PRICKLE2: variants seen among roughly 807,000 people sequenced by gnomAD.
PRICKLE2 encodes the protein prickle-like protein 2.
A neutral mutation model predicts 81.4 loss-of-function variants in PRICKLE2; 21 were observed. The observed-to-expected ratio is 0.26, with a 90% CI of 0.18 to 0.37. The LOEUF is 0.37. PRICKLE2 is among the 10% of genes least tolerant of loss of function. PRICKLE2 has a pLI of 1.00. For synonymous variants in PRICKLE2, 456 were observed against 421.5 expected, an observed-to-expected ratio of 1.08 and a Z score of -1.00; for missense variants, 940 against 1,109.0, an observed-to-expected ratio of 0.85 and a Z score of 2.16.
intron 5 of PRICKLE2, among the ~76,000 whole-genome samples, chr3:64,155,762 G>A (rs2077626191): frequency 6.6e-6 from 1 of 152,166 alleles, no homozygotes; most frequent in Non-Finnish European, 1.5e-5. Context: ...CTAAACGAAA[G>A]AAACCAGACT....
chr3:64,153,148 G>A, intron 6 of PRICKLE2, 34 bp downstream of exon 6: 3 of 1,603,946 alleles, frequency 1.9e-6, no homozygotes, highest in South Asian at 1.1e-5. Flanking sequence ...CCGCATCACA[G>A]AAGGACCAAG....
At chr3:64,242,462 T>C (rs1458039846) in intron 2 of PRICKLE2, among the ~76,000 whole-genome samples, 4 of 152,216 alleles carry the variant, frequency 2.6e-5, no homozygotes, top group Admixed American at 6.5e-5. Flanking sequence ...TAAAAGAAAA[T>C]ACATAAATCT....
intron 7 of PRICKLE2, among the ~76,000 whole-genome samples, chr3:64,126,913 T>G (rs1043135438): frequency 6.6e-6 from 1 of 152,140 alleles, no homozygotes; most frequent in African/African-American, 2.4e-5. Flanking sequence ...AGCCTCTGTT[T>G]TGTCCTCTGT....
chr3:64,199,988 A>G (rs755407189), intron 1 of PRICKLE2: 4 of 152,218 alleles, frequency 2.6e-5, no homozygotes, highest in Admixed American at 6.5e-5. Context: ...TGAAGATACA[A>G]TGTACAAACC....
rs548011982 is a variant in PRICKLE2, at chr3:64,096,685, C to T, written c.*2366G>A. ...GCATCTAGACTTATGCCTCCAGACC[C>T]CTCCGGGCACTGGCCATGTGTCAGT... On this transcript the variant is annotated 3_prime_UTR_variant, in exon 8 of 8. Transcript: ENST00000638394. The T allele has an allele frequency of 2.6e-5, 4 of 152,590 alleles. No individual in the cohort carries two copies. In the South Asian group the frequency reaches 8.3e-4, roughly 32 times the overall value. The allele number at this position is 152,590 out of a possible 1,614,324, so 9.5% of individuals were successfully genotyped here. A position where few individuals can be genotyped will look rare whatever the true frequency, so the allele number is the denominator to read the frequency against.
intron 6 of PRICKLE2, among the ~76,000 whole-genome samples, chr3:64,148,354 A>C (rs75934923): frequency 0.025 from 3,767 of 152,318 alleles, 131 homozygotes; most frequent in African/African-American, 0.085. Flanking sequence ...ATACCGCTTT[A>C]CATTACAACA....
rs374743425 is a variant in PRICKLE2, at chr3:64,132,900, A to G, written c.1660+13930T>C. 2.7e-4 allele frequency among the ~76,000 whole-genome samples: 41 copies of G among 152,332 alleles called. No homozygotes were observed. The East Asian group carries it at 7.9e-3, about 29-fold the overall frequency. ...GTACACAATATTAGGGGCTGAGTTC[A>G]GACTAAATGATATTTACAACTCCAT... On this transcript the variant is annotated intron_variant, in intron 7 of 7. Transcript: ENST00000638394.
intron 2 of PRICKLE2, among the ~76,000 whole-genome samples, chr3:64,240,671 G>A (rs894519352): frequency 2.0e-5 from 3 of 152,104 alleles, no homozygotes; most frequent in Admixed American, 6.5e-5. Flanking sequence ...CTGAGCCAGC[G>A]GTTCTCACAA....
rs771413626 is a variant in PRICKLE2 at position 64,099,735 on chromosome 3, C to T, written c.1851G>A (p.Met617Ile). 1.8e-5 allele frequency: 29 copies of T among 1,614,068 alleles called. No individual in the cohort carries two copies. The highest frequency in any genetic ancestry group is 5.0e-5 in the Admixed American group (3 of 60,006). ...TGCTGAGCTGGTGGAGGTTTCCCTC[C>T]ATCTCCTGGTACTGCTGGGCAGAGA... ...SLLSAQQYQE[M>I]EGNLHQLSNP... The change falls in exon 8 of 8, where the codon ATG becomes ATA. Residue 617 changes from methionine to isoleucine, a missense_variant. Coordinates refer to ENST00000638394, the MANE Select transcript of PRICKLE2 (RefSeq NM_198859.4). The surrounding 1 kb of genome is among the most constrained non-coding windows in gnomAD (Gnocchi z 4.3).
rs572155039 is a variant in PRICKLE2 at position 64,137,167 on chromosome 3, T to C, written c.1660+9663A>G. 2.5e-4 allele frequency among the ~76,000 whole-genome samples: 38 copies of C among 152,346 alleles called. 1 individual carries two copies. Among genetic ancestry groups the C allele is most frequent in the African/African-American group, 8.7e-4 (36 of 41,580 alleles). On this transcript the variant is annotated intron_variant, in intron 7 of 7. Transcript: ENST00000638394. ...TCCAGAATTTTTCTTTTCTGTGTTT[T>C]CCTTACTCTCCATATTTTAAAAACT...
chr3:64,156,405 T>C (rs1175461635), intron 5 of PRICKLE2, among the ~76,000 whole-genome samples: 4 of 152,180 alleles, frequency 2.6e-5, no homozygotes, highest in Admixed American at 1.3e-4. Context: ...AAAAACTCCT[T>C]TGCACAGGAG....
At chr3:64,189,919 C>T (rs1009144004) in intron 2 of PRICKLE2, among the ~76,000 whole-genome samples, 3 of 152,150 alleles carry the variant, frequency 2.0e-5, no homozygotes, top group African/African-American at 4.8e-5. Context: ...GATTAAGTGC[C>T]TCCAATTTTC....
At chr3:64,236,811 C>T (rs1321789236) in intron 2 of PRICKLE2, among the ~76,000 whole-genome samples, 12 of 152,296 alleles carry the variant, frequency 7.9e-5, no homozygotes, top group Admixed American at 1.3e-4. Context: ...ACATGAATGA[C>T]GGTGACAATT....
intron 2 of PRICKLE2, among the ~76,000 whole-genome samples, chr3:64,256,751 C>T (rs1360343547): frequency 6.6e-6 from 1 of 152,122 alleles, no homozygotes; most frequent in Admixed American, 6.5e-5. Flanking sequence ...CAAGCATCTC[C>T]ACCTTCTTTC....
At chr3:64,117,828 C>T (rs997433125) in intron 7 of PRICKLE2, among the ~76,000 whole-genome samples, 3 of 152,124 alleles carry the variant, frequency 2.0e-5, no homozygotes, top group Non-Finnish European at 4.4e-5. Context: ...CACTGAGATT[C>T]TTCACAGAAC....
intron 7 of PRICKLE2, among the ~76,000 whole-genome samples, chr3:64,109,542 C>A (rs1417253153): frequency 6.6e-6 from 1 of 151,908 alleles, no homozygotes; most frequent in Admixed American, 6.6e-5. Flanking sequence ...CCTCTGCCAG[C>A]TGCACTGGGG....
In PRICKLE2 at chr3:64,161,715, TAAAA is replaced by T. The variant is rs10715000; in HGVS notation, c.258+1297_258+1300del. 4.9e-4 allele frequency among the ~76,000 whole-genome samples: 58 copies of T among 118,040 alleles called. 1 individual carries two copies. The highest frequency in any genetic ancestry group is 1.5e-3 in the African/African-American group (51 of 32,980). 77.4% of individuals were successfully genotyped at this position (118,040 alleles called of 152,430 possible). Reference sequence around the variant, plus strand: ...CTTCTCTCTGTCAAATAAAAAGAGTTAAAAAAAAAAAAAAAAAAAAGTCTCCATG... The same window carrying T: ...CTTCTCTCTGTCAAATAAAAAGAGTTAAAAAAAAAAAAAAAAGTCTCCATG... On this transcript the variant is annotated intron_variant, in intron 3 of 7. Coordinates refer to ENST00000638394, the MANE Select transcript of PRICKLE2 (RefSeq NM_198859.4).
At chr3:64,227,676 T>C (rs2079048226), upstream of PRICKLE2, among the ~76,000 whole-genome samples, 1 of 152,170 alleles carries the variant, frequency 6.6e-6, no homozygotes, top group Admixed American at 6.5e-5. Context: ...GGTCCTTATA[T>C]GTAACCTAGG....
At chr3:64,196,294 C>G (rs2078452137) in intron 2 of PRICKLE2, among the ~76,000 whole-genome samples, 1 of 152,068 alleles carries the variant, frequency 6.6e-6, no homozygotes, top group African/African-American at 2.4e-5. Flanking sequence ...AATTCAGAGC[C>G]CAATTTAGCA....
Sources: allele counts gnomAD v4.1 joint callset (sites outside exome capture counted in the v4.1 genomes callset), GRCh38; gene constraint gnomAD v4.1.1; non-coding constraint Gnocchi (gnomAD v3.1); transcripts MANE v1.5; gene names NCBI Gene and HGNC (gene_info 2026-07-23, HGNC 2026-07-21).